Variants in TRMT11 observed in about 807,000 individuals in gnomAD.
The protein encoded by TRMT11 is tRNA (guanine(10)-N(2))-methyltransferase TRMT11.
Under a neutral mutation model 62.8 loss-of-function variants are expected in TRMT11, and 53 were observed. The observed-to-expected ratio is 0.84, with a 90% confidence interval of 0.68 to 1.06. The LOEUF is 1.06. TRMT11 is among the 50% of genes least tolerant of loss of function. The probability of loss-of-function intolerance (pLI) is 0.00; values close to 1 mark genes in which losing one functional copy is unlikely to be tolerated. For synonymous variants in TRMT11, 188 were observed against 190.3 expected (o/e 0.99, Z 0.10); for missense variants, 556 against 553.4 (o/e 1.00, Z -0.05).
chr6:126,254,017 A>G, the TRMT11 span, among the ~76,000 whole-genome samples: 2 of 152,188 alleles, frequency 1.3e-5, no homozygotes, highest in East Asian at 3.8e-4. Flanking sequence ...TTCTAACACT[A>G]GAGTTGATTA....
At chr6:126,218,971 A>C in the TRMT11 span, among the ~76,000 whole-genome samples, 1 of 152,166 alleles carries the variant, frequency 6.6e-6, no homozygotes, top group Non-Finnish European at 1.5e-5. Flanking sequence ...GCTGCTTTCC[A>C]GAGTGACAGG....
At chr6:126,084,061 A>C (rs1248946601) in intron 17 of TRMT11, among the ~76,000 whole-genome samples, 1 of 152,180 alleles carries the variant, frequency 6.6e-6, no homozygotes, top group Non-Finnish European at 1.5e-5. Context: ...ACAGGAGTGC[A>C]GGTATCTTTA....
intron 21 of TRMT11, among the ~76,000 whole-genome samples, chr6:126,141,937 G>T (rs776793067): frequency 6.6e-6 from 1 of 152,004 alleles, no homozygotes; most frequent in Non-Finnish European, 1.5e-5. Flanking sequence ...CTCTACCAGG[G>T]AAAGTGCTTC....
chr6:126,171,489 T>G (rs1778329489), intron 21 of TRMT11, among the ~76,000 whole-genome samples: 1 of 152,176 alleles, frequency 6.6e-6, no homozygotes, highest in Non-Finnish European at 1.5e-5. Flanking sequence ...CATTAGGTTC[T>G]AATTTATTTT....
intron 17 of TRMT11, among the ~76,000 whole-genome samples, chr6:126,063,505 A>AT (rs1237246942): frequency 6.6e-6 from 1 of 152,156 alleles, no homozygotes; most frequent in African/African-American, 2.4e-5. Flanking sequence ...ACAGTTGGAG[A>AT]TTTTTTTCTA....
chr6:126,264,266 TTTCTC>T, the TRMT11 span, among the ~76,000 whole-genome samples: 1 of 152,216 alleles, frequency 6.6e-6, no homozygotes, highest in African/African-American at 2.4e-5. Flanking sequence ...TTTTATTTAT[TTTCTC>T]TTTCTTTTTT....
At chr6:126,112,243 T>C in intron 17 of TRMT11, among the ~76,000 whole-genome samples, 1 of 152,090 alleles carries the variant, frequency 6.6e-6, no homozygotes, top group East Asian at 1.9e-4. Flanking sequence ...GTGATTCACG[T>C]CTCTGGATTC....
At chr6:126,252,073 A>T in the TRMT11 span, among the ~76,000 whole-genome samples, 4 of 152,238 alleles carry the variant, frequency 2.6e-5, no homozygotes, top group African/African-American at 9.6e-5. Context: ...CACTGAGTAG[A>T]AAAAGAACCA....
At chr6:126,114,137 G>A (rs899636018) in intron 18 of TRMT11, among the ~76,000 whole-genome samples, 2 of 152,098 alleles carry the variant, frequency 1.3e-5, no homozygotes, top group Non-Finnish European at 2.9e-5. Context: ...ACTTGAATCA[G>A]CTTTTTGTAC....
chr6:125,986,578 T>C lies in TRMT11; in HGVS notation c.28T>C (p.Tyr10His), dbSNP rs1397999221. Residue 10 changes from tyrosine (Y) to histidine (H), a missense_variant, in exon 1 of 13, where the codon TAT (tyrosine) becomes CAT (histidine). Tyr to His is a moderately conservative substitution (Grantham distance 83). Coordinates refer to ENST00000334379, the MANE Select transcript of TRMT11 (RefSeq NM_001031712.3). The stretch of plus-strand genomic sequence containing the variant: ...GGCGCTGTCGTGTACCCTTAACAGG[T>C]ATCTGCTCCTCATGGCGCAGGAGCA... The part of the protein sequence containing the change: MALSCTLNR[Y>H]LLLMAQEHLE... 1.9e-6 allele frequency: 3 copies of C among 1,591,280 alleles called. No individual in the cohort carries two copies. Among genetic ancestry groups the C allele is most frequent in the Non-Finnish European group, 2.6e-6 (3 of 1,171,126 alleles).
At chr6:126,113,718 G>T (rs1446806096) in intron 18 of TRMT11, among the ~76,000 whole-genome samples, 1 of 152,024 alleles carries the variant, frequency 6.6e-6, no homozygotes, top group East Asian at 1.9e-4. Context: ...CATCTGCTTT[G>T]TGTCTTCTCT....
the TRMT11 span, among the ~76,000 whole-genome samples, chr6:126,241,684 T>A: frequency 2.0e-5 from 3 of 152,142 alleles, no homozygotes; most frequent in Admixed American, 6.6e-5. Context: ...ACAGAACTAA[T>A]GACAAAAACC....
chr6:126,031,493 G>C (rs1217002104), intron 12 of TRMT11, among the ~76,000 whole-genome samples: 1 of 152,146 alleles, frequency 6.6e-6, no homozygotes, highest in African/African-American at 2.4e-5. Flanking sequence ...TCTGTGAGAG[G>C]TGTTGTGTGA....
At chr6:126,157,686 A>G (rs976714916) in intron 21 of TRMT11, among the ~76,000 whole-genome samples, 2 of 152,230 alleles carry the variant, frequency 1.3e-5, no homozygotes, top group Non-Finnish European at 2.9e-5. Context: ...GTAAGCCACC[A>G]ATTGACTGTT....
At chr6:126,269,180 C>T in the TRMT11 span, among the ~76,000 whole-genome samples, 240 of 143,562 alleles carry the variant, frequency 1.7e-3, 4 homozygotes, top group African/African-American at 5.7e-3. Flanking sequence ...AGGAGAATGG[C>T]GTGAACCCGG....
chr6:126,121,508 A>T (rs1451145309), intron 21 of TRMT11, among the ~76,000 whole-genome samples: 1 of 152,128 alleles, frequency 6.6e-6, no homozygotes, highest in Non-Finnish European at 1.5e-5. Context: ...GTTAGAAAGA[A>T]CTGGGTTTGA....
chr6:126,182,009 A>T (rs1778472175), intron 1 of TRMT11, among the ~76,000 whole-genome samples: 1 of 152,220 alleles, frequency 6.6e-6, no homozygotes, highest in African/African-American at 2.4e-5. Flanking sequence ...AATTGTAGAC[A>T]GTTTCTACTA....
chr6:126,247,102 C>G, the TRMT11 span, among the ~76,000 whole-genome samples: 3 of 152,134 alleles, frequency 2.0e-5, no homozygotes, highest in Non-Finnish European at 4.4e-5. Context: ...AACAGCTGTT[C>G]CTCGCTGTAT....
At chr6:126,169,207 C>A (rs892345373) in intron 21 of TRMT11, among the ~76,000 whole-genome samples, 1 of 152,090 alleles carries the variant, frequency 6.6e-6, no homozygotes, top group Non-Finnish European at 1.5e-5. Context: ...CCAGCTTTAC[C>A]CATTTGTGTG....
Sources: allele counts gnomAD v4.1 joint callset (sites outside exome capture counted in the v4.1 genomes callset), GRCh38; gene constraint gnomAD v4.1.1; transcripts MANE v1.5; gene names NCBI Gene and HGNC (gene_info 2026-07-23, HGNC 2026-07-21).